The following SYN3 variants were observed in gnomAD, a reference collection of about 807,000 sequenced individuals.
SYN3 encodes the protein synapsin-3.
In SYN3, 35 loss-of-function variants were observed where a neutral mutation model predicts 65.8. The ratio of observed to expected loss-of-function variants is 0.53; its 90% CI spans 0.41 to 0.70. SYN3 has a LOEUF of 0.70. Ranked by LOEUF, SYN3 falls within the 30% of genes least tolerant of loss-of-function variation. The pLI, the probability that SYN3 is intolerant of heterozygous loss-of-function variation, is 0.00. For synonymous variants in SYN3, 270 were observed against 292.9 expected (o/e 0.92, Z 0.80); for missense variants, 680 against 749.0 (o/e 0.91, Z 1.08).
rs8139856 is a variant in SYN3 at position 32,934,822 on chromosome 22, G to C, written c.370-3341C>G. Among the ~76,000 whole-genome samples the C allele has an allele frequency of 3.9e-5, 6 of 152,256 alleles. No individual in the cohort carries two copies. In the East Asian group the frequency reaches 5.8e-4, roughly 15 times the overall value. On this transcript the variant is annotated intron_variant, in intron 3 of 13. Transcript: ENST00000358763. The stretch of plus-strand genomic sequence containing the variant: ...ATCATCTTAGACTGGTGGGAGTTGC[G>C]GGGGAGGCACACTAAATCCACTAAC...
At chr22:32,604,849 C>CA (rs200254033) in intron 6 of SYN3, among the ~76,000 whole-genome samples, 7 of 151,432 alleles carry the variant, frequency 4.6e-5, no homozygotes, top group Middle Eastern at 3.4e-3. Context: ...ACTAAAAATG[C>CA]AAAAAAATTA....
rs5754170 is a variant in SYN3, at chr22:32,609,241, G to A, written c.712-12505C>T. 9.9e-4 allele frequency among the ~76,000 whole-genome samples: 151 copies of A among 152,048 alleles called. 1 individual carries two copies. The East Asian group carries it at 0.026, about 26-fold the overall frequency. On this transcript the variant is annotated intron_variant, in intron 6 of 13. Transcript: ENST00000358763. ...CGGGAGGCTGAGGGAGGAGAATGGC[G>A]TGAATCCGGGAGGCGGAGCTTTCGG...
chr22:32,889,615 G>A (rs144906564), intron 4 of SYN3, among the ~76,000 whole-genome samples: 26 of 152,026 alleles, frequency 1.7e-4, no homozygotes, highest in Non-Finnish European at 2.6e-4. Flanking sequence ...ACAAATCAAC[G>A]CATATATTTG....
chr22:32,811,610 C>T (rs2046916813), intron 6 of SYN3, among the ~76,000 whole-genome samples: 1 of 152,194 alleles, frequency 6.6e-6, no homozygotes, highest in Non-Finnish European at 1.5e-5. Flanking sequence ...TCTATTTTCA[C>T]AACTCTTCAC....
chr22:32,780,848 A>C (rs5754282), intron 6 of SYN3, among the ~76,000 whole-genome samples: 42,574 of 151,672 alleles, frequency 0.28, 6,201 homozygotes, highest in African/African-American at 0.34. Flanking sequence ...AGCAGTACCC[A>C]GCGTAATAAG....
intron 1 of SYN3, among the ~76,000 whole-genome samples, chr22:33,027,711 GAA>G (rs1211551400): frequency 3.3e-5 from 5 of 151,982 alleles, no homozygotes; most frequent in African/African-American, 7.2e-5. Flanking sequence ...GAGAGAGAGA[GAA>G]AGAAAACTTC....
chr22:32,516,425 G>A lies in SYN3; in HGVS notation c.1610+1618C>T, dbSNP rs141019023. 6.5e-3 allele frequency among the ~76,000 whole-genome samples: 988 copies of A among 151,838 alleles called. 47 individuals carry two copies. The highest frequency in any genetic ancestry group is 0.058 in the Admixed American group (879 of 15,256). ...GTTGCCCAGGCTGGAGTGCAATGGC[G>A]CCATCTCAGCTCACTGCAACCTCAG... is the stretch of plus-strand genomic sequence containing the variant. On this transcript the variant is annotated intron_variant, in intron 13 of 13. Coordinates refer to ENST00000358763, the MANE Select transcript of SYN3 (RefSeq NM_003490.4).
chr22:32,832,024 G>C (rs1414840081), intron 6 of SYN3, among the ~76,000 whole-genome samples: 2 of 152,114 alleles, frequency 1.3e-5, no homozygotes, highest in African/African-American at 4.8e-5. Context: ...TTAGCAAATG[G>C]GCCCCTCTCA....
chr22:32,957,942 T>A (rs943619018), intron 3 of SYN3, among the ~76,000 whole-genome samples: 6 of 151,910 alleles, frequency 3.9e-5, no homozygotes, highest in African/African-American at 1.5e-4. Flanking sequence ...CCAAACCTAA[T>A]CTCCAAAACG....
At chr22:32,573,813 A>G (rs2058812965) in intron 7 of SYN3, among the ~76,000 whole-genome samples, 1 of 135,350 alleles carries the variant, frequency 7.4e-6, no homozygotes, top group Admixed American at 8.4e-5. Context: ...TGTGTCGCCC[A>G]GGCTGGAGTG....
intron 6 of SYN3, among the ~76,000 whole-genome samples, chr22:32,649,198 T>A (rs553948095): frequency 6.6e-6 from 1 of 152,348 alleles, no homozygotes; most frequent in South Asian, 2.1e-4. Context: ...GCTTAAAATG[T>A]GCTTGTGAAT....
chr22:32,696,677 G>GA (rs1337709883), intron 6 of SYN3, among the ~76,000 whole-genome samples: 1 of 152,150 alleles, frequency 6.6e-6, no homozygotes, highest in East Asian at 1.9e-4. Context: ...TTTCTTGGAT[G>GA]AAAAAATGAA....
At chr22:32,990,614 G>C (rs577466226) in intron 2 of SYN3, among the ~76,000 whole-genome samples, 8 of 152,286 alleles carry the variant, frequency 5.3e-5, no homozygotes, top group African/African-American at 1.9e-4. Context: ...GGTTTTTACT[G>C]TCTAGCCAGG....
intron 6 of SYN3, among the ~76,000 whole-genome samples, chr22:32,786,170 G>T (rs575281554): frequency 6.6e-6 from 1 of 152,194 alleles, no homozygotes; most frequent in East Asian, 1.9e-4. Flanking sequence ...GGTGCTGTTA[G>T]TGCCCTTGTT....
At chr22:32,641,469 G>A (rs747147717) in intron 6 of SYN3, among the ~76,000 whole-genome samples, 36 of 151,984 alleles carry the variant, frequency 2.4e-4, no homozygotes, top group Non-Finnish European at 4.4e-4. Context: ...TTAGCTGGGC[G>A]TGGTGGCGGG....
In SYN3 at chr22:32,820,898, A is replaced by G. The variant is rs2047228109; in HGVS notation, c.711+44017T>C. Among the ~76,000 whole-genome samples the G allele has an allele frequency of 2.0e-5, 3 of 152,188 alleles. No individual in the cohort carries two copies. In the South Asian group the frequency reaches 6.2e-4, roughly 32 times the overall value. On this transcript the variant is annotated intron_variant, in intron 6 of 13. Transcript: ENST00000358763. ...AGAGTTTGCCAGATATTGCTAATTA[A>G]TTCTCTCACTGCTTATTTTATGGAT...
intron 4 of SYN3, among the ~76,000 whole-genome samples, chr22:32,871,336 T>C (rs912344402): frequency 6.6e-6 from 1 of 152,234 alleles, no homozygotes; most frequent in Non-Finnish European, 1.5e-5. Flanking sequence ...TATGGTGCTC[T>C]CTCTCCAGGG....
At chr22:32,845,863 G>A (rs1211008453) in intron 6 of SYN3, among the ~76,000 whole-genome samples, 1 of 152,212 alleles carries the variant, frequency 6.6e-6, no homozygotes, top group Non-Finnish European at 1.5e-5. Flanking sequence ...TGTGGCCCCT[G>A]GGCCAGCGAA....
chr22:32,828,001 T>A (rs972339169), intron 6 of SYN3, among the ~76,000 whole-genome samples: 1 of 152,182 alleles, frequency 6.6e-6, no homozygotes, highest in African/African-American at 2.4e-5. Context: ...CTTTGCCTCC[T>A]AGCACCTGCC....
Sources: allele counts gnomAD v4.1 joint callset (sites outside exome capture counted in the v4.1 genomes callset), GRCh38; gene constraint gnomAD v4.1.1; transcripts MANE v1.5; gene names NCBI Gene and HGNC (gene_info 2026-07-23, HGNC 2026-07-21).